COL13A1: variants seen among roughly 807,000 people sequenced by gnomAD.
COL13A1 encodes the protein collagen type XIII alpha 1 chain.
A neutral mutation model predicts 130.9 loss-of-function variants in COL13A1; 89 were observed. The ratio of observed to expected loss-of-function variants is 0.68; its 90% CI spans 0.57 to 0.81. COL13A1 has a LOEUF of 0.81. Among genes scored for constraint, COL13A1 ranks in the 30% least tolerant of loss-of-function variants. The probability of loss-of-function intolerance (pLI) is 0.00; values close to 1 mark genes in which losing one functional copy is unlikely to be tolerated. For missense variants in COL13A1, 879 were observed against 934.6 expected (o/e 0.94, Z 0.78); for synonymous variants, 402 against 341.6 (o/e 1.18, Z -1.95).
intron 38 of COL13A1, among the ~76,000 whole-genome samples, chr10:69,952,243 T>A (rs10466015): frequency 0.16 from 24,012 of 152,190 alleles, 2,244 homozygotes; most frequent in Middle Eastern, 0.26. Context: ...TGGACACACA[T>A]GCATAATAAA....
At chr10:69,855,678 C>T (rs1456039851) in intron 2 of COL13A1, among the ~76,000 whole-genome samples, 5 of 152,106 alleles carry the variant, frequency 3.3e-5, no homozygotes, top group East Asian at 3.9e-4. Flanking sequence ...GCTTTACTTC[C>T]GGGCCTGAGG....
At chr10:69,854,949 GC>G (rs1395449662) in intron 2 of COL13A1, among the ~76,000 whole-genome samples, 1 of 152,118 alleles carries the variant, frequency 6.6e-6, no homozygotes, top group Non-Finnish European at 1.5e-5. Context: ...GAAATCGGAG[GC>G]TCCCCGTTCT....
intron 2 of COL13A1, among the ~76,000 whole-genome samples, chr10:69,827,767 A>AGCCTT (rs1847848358): frequency 6.6e-6 from 1 of 152,102 alleles, no homozygotes; most frequent in Non-Finnish European, 1.5e-5. Flanking sequence ...CTCTCTAGCT[A>AGCCTT]GCCTTGCCTT....
chr10:69,892,715 C>A (rs2061302707), intron 10 of COL13A1, among the ~76,000 whole-genome samples: 1 of 152,238 alleles, frequency 6.6e-6, no homozygotes, highest in African/African-American at 2.4e-5. Context: ...TGCTGCCTGG[C>A]TGAAGATAAC....
At chr10:69,939,033 A>G (rs1006242103) in intron 34 of COL13A1, among the ~76,000 whole-genome samples, 2 of 152,252 alleles carry the variant, frequency 1.3e-5, no homozygotes, top group African/African-American at 4.8e-5. Flanking sequence ...ATAAACAAGG[A>G]AAGTGCCAGA....
At chr10:69,832,866 C>T (rs367830426) in intron 2 of COL13A1, among the ~76,000 whole-genome samples, 1 of 152,214 alleles carries the variant, frequency 6.6e-6, no homozygotes, top group East Asian at 1.9e-4. Context: ...CAGAGTCGGG[C>T]ATCCTCTCTC....
chr10:69,945,898 C>T (rs1277536153), intron 37 of COL13A1, among the ~76,000 whole-genome samples, 174 bp downstream of exon 37: 1 of 152,132 alleles, frequency 6.6e-6, no homozygotes, highest in Non-Finnish European at 1.5e-5. Flanking sequence ...CGGTGAAACC[C>T]CGTCTTTACT....
intron 4 of COL13A1, among the ~76,000 whole-genome samples, chr10:69,872,771 C>T (rs1047540777): frequency 6.6e-6 from 1 of 152,230 alleles, no homozygotes; most frequent in East Asian, 1.9e-4. Flanking sequence ...ATGTTTCACA[C>T]ATTCAGCTTG....
At chr10:69,923,757 C>T in intron 23 of COL13A1, 45 bp from the exon 24 acceptor site, 4 of 1,590,754 alleles carry the variant, frequency 2.5e-6, no homozygotes, top group South Asian at 1.2e-5. Flanking sequence ...AGCAGCTGTC[C>T]AGGTGCCCAG....
chr10:69,892,870 G>A (rs1056705656), intron 10 of COL13A1, among the ~76,000 whole-genome samples: 13 of 152,150 alleles, frequency 8.5e-5, no homozygotes, highest in Non-Finnish European at 1.8e-4. Context: ...TGAAGACCAC[G>A]ATTGTCCCCT....
chr10:69,818,540 A>G (rs1303897588), intron 1 of COL13A1, among the ~76,000 whole-genome samples: 1 of 152,224 alleles, frequency 6.6e-6, no homozygotes, highest in African/African-American at 2.4e-5. Context: ...GGCTCATGTG[A>G]TTATGGAGAT....
intron 32 of COL13A1, among the ~76,000 whole-genome samples, chr10:69,936,301 A>C (rs1460431264): frequency 6.6e-6 from 1 of 152,208 alleles, no homozygotes; most frequent in African/African-American, 2.4e-5. Flanking sequence ...CCCTGAAGCA[A>C]CAGATGCTGG....
chr10:69,905,098 C>T, intron 16 of COL13A1, 139 bp downstream of exon 16: 1 of 945,318 alleles, frequency 1.1e-6, no homozygotes, highest in South Asian at 1.5e-5. Context: ...GACCCACTTA[C>T]AAAACACCAC....
chr10:69,918,252 G>A (rs772453561), intron 18 of COL13A1, 33 bp from the exon 19 acceptor site: 2 of 1,609,082 alleles, frequency 1.2e-6, no homozygotes, highest in East Asian at 4.5e-5. Context: ...GCTGCAGAAT[G>A]TCTTCAGACC....
At chr10:69,874,016 C>T (rs1055208651) in intron 4 of COL13A1, among the ~76,000 whole-genome samples, 1 of 152,198 alleles carries the variant, frequency 6.6e-6, no homozygotes, top group Admixed American at 6.5e-5. Context: ...CTCTTATCAC[C>T]CCCACTCCAC....
intron 3 of COL13A1, among the ~76,000 whole-genome samples, chr10:69,871,088 C>T (rs1018168586): frequency 2.0e-5 from 3 of 152,072 alleles, no homozygotes; most frequent in African/African-American, 7.2e-5. Context: ...TGGCGCGTTC[C>T]CTTCCCTGGG....
At chr10:69,896,475 C>A (rs1484675742) in intron 13 of COL13A1, among the ~76,000 whole-genome samples, 1 of 152,208 alleles carries the variant, frequency 6.6e-6, no homozygotes, top group Admixed American at 6.5e-5. Context: ...CTTTAGGCAT[C>A]TCTCCCCGCT....
intron 17 of COL13A1, among the ~76,000 whole-genome samples, chr10:69,911,168 C>G (rs1424967194): frequency 6.6e-6 from 1 of 152,172 alleles, no homozygotes; most frequent in Non-Finnish European, 1.5e-5. Flanking sequence ...CCATCTCAGC[C>G]TTCATTCTGT....
intron 1 of COL13A1, among the ~76,000 whole-genome samples, chr10:69,806,478 C>T (rs543443184): frequency 2.2e-4 from 33 of 152,298 alleles, no homozygotes; most frequent in African/African-American, 6.7e-4. Context: ...TGGAGGATGG[C>T]GGGAGCCAGC....
Sources: gnomAD v4.1 joint callset for allele counts (sites outside exome capture counted in the v4.1 genomes callset) on GRCh38, gnomAD v4.1.1 for gene constraint, MANE v1.5 for transcripts, NCBI Gene and HGNC (gene_info 2026-07-23, HGNC 2026-07-21) for gene names.